The following CBL variants were observed in gnomAD, a reference collection of about 807,000 sequenced individuals.
The protein encoded by CBL is E3 ubiquitin-protein ligase CBL.
A neutral mutation model predicts 96.9 loss-of-function variants in CBL; 45 were observed. That is an observed-to-expected ratio of 0.46 (90% CI 0.37 to 0.60). The LOEUF (loss-of-function observed/expected upper bound fraction) is 0.60. Ranked by LOEUF, CBL falls within the 20% of genes least tolerant of loss-of-function variation. CBL has a pLI of 0.00. For missense variants in CBL, 1,024 were observed against 1,143.5 expected (o/e 0.90, Z 1.51); for synonymous variants, 420 against 426.8 (o/e 0.98, Z 0.20).
rs149998404 is a variant in CBL, at chr11:119,297,151, A to G, written c.2153+117A>G. 5.8e-4 allele frequency: 453 copies of G among 784,392 alleles called. 1 individual carries two copies. The highest frequency in any genetic ancestry group is 2.8e-3 in the African/African-American group (169 of 59,432). 48.6% of individuals were successfully genotyped at this position (784,392 alleles called of 1,614,324 possible). ...TATCCAGTCAGATTAAAGCAGAAAG[A>G]TAAAGATAAATCTAGCCCTTAATGG... On this transcript the variant is annotated intron_variant, in intron 13 of 15. Transcript: ENST00000264033.
Position 119,287,787 on chromosome 11 carries a change from C to T in CBL, c.1942-65C>T, listed in dbSNP as rs1272061651. 6.0e-6 allele frequency: 6 copies of T among 1,007,928 alleles called. No homozygotes were observed. In the African/African-American group the frequency reaches 7.9e-5, roughly 13 times the overall value. The allele number at this position is 1,007,928 out of a possible 1,614,324, so 62.4% of individuals were successfully genotyped here. Reference sequence around the variant, plus strand: ...CTGTTATTGTTATTTTGAAAAGGTTCAATAAGAGCAGAGGCTCAGCTGTGG... The same window carrying T: ...CTGTTATTGTTATTTTGAAAAGGTTTAATAAGAGCAGAGGCTCAGCTGTGG... On this transcript the variant is annotated intron_variant, in intron 11 of 15. Transcript: ENST00000264033.
At chr11:119,258,543 A>G (rs187367978) in intron 2 of CBL, among the ~76,000 whole-genome samples, 4 of 152,030 alleles carry the variant, frequency 2.6e-5, no homozygotes, top group South Asian at 2.1e-4. Context: ...TGATCCAGTC[A>G]CCTCCCACCA....
chr11:119,259,592 G>A (rs1368041932), intron 2 of CBL, among the ~76,000 whole-genome samples: 4 of 152,018 alleles, frequency 2.6e-5, no homozygotes, highest in Non-Finnish European at 5.9e-5. Flanking sequence ...AATATTTCTG[G>A]TGGGAGAATT....
In CBL at chr11:119,206,468, C is replaced by T. The variant is rs1483479103; in HGVS notation, c.51C>T (p.Ser17=). Residue 17 remains serine (S), a synonymous_variant, in exon 1 of 16, where the codon TCC becomes TCT. Transcript: ENST00000264033. ...KSSGAGGGSG[S]GGSGSGGLIG... is the part of the protein sequence containing the mutation. ...CTGGGGCCGGGGGCGGCAGCGGCTC[C>T]GGGGGCTCGGGTTCGGGTGGCCTGA... is the stretch of plus-strand genomic sequence containing the variant. 1 of 1,575,168 alleles carries T rather than the reference C, an allele frequency of 6.3e-7. No individual in the cohort carries two copies. The highest frequency in any genetic ancestry group is 1.4e-5 in the African/African-American group (1 of 73,946).
At chr11:119,230,278 G>A (rs1334431966) in intron 1 of CBL, among the ~76,000 whole-genome samples, 3 of 151,284 alleles carry the variant, frequency 2.0e-5, no homozygotes, top group African/African-American at 4.9e-5. Flanking sequence ...CAGCCTCTCC[G>A]AGTAGCTGGG....
In CBL at chr11:119,206,584, T is replaced by C; in HGVS notation, c.167T>C (p.Val56Ala). The C allele has an allele frequency of 5.2e-6, 8 of 1,547,560 alleles. No homozygotes were observed. Among genetic ancestry groups the C allele is most frequent in the Non-Finnish European group, 7.0e-6 (8 of 1,145,852 alleles). ...HPPGTVDKKM[V>A]EKCWKLMDKV... ...CCGGGGACGGTGGACAAGAAGATGG[T>C]GGAGAAGTGCTGGAAGCTCATGGAC... Residue 56 changes from valine (V) to alanine (A), a missense_variant, in exon 1 of 16, where the codon GTG becomes GCG. By Grantham distance (64) the Val-to-Ala change is moderately conservative. Coordinates refer to ENST00000264033, the MANE Select transcript of CBL (RefSeq NM_005188.4).
chr11:119,256,332 G>A (rs542464610), intron 2 of CBL, among the ~76,000 whole-genome samples: 1 of 151,598 alleles, frequency 6.6e-6, no homozygotes, highest in South Asian at 2.1e-4. Flanking sequence ...GGCATCCGCC[G>A]CTACGCCCAG....
intron 2 of CBL, among the ~76,000 whole-genome samples, chr11:119,260,223 C>T (rs1949743958): frequency 7.0e-6 from 1 of 143,498 alleles, no homozygotes. Context: ...GGCTTAGCTT[C>T]TTTTTTTTTT....
At chr11:119,209,072 C>T (rs1348506292) in intron 1 of CBL, among the ~76,000 whole-genome samples, 2 of 152,134 alleles carry the variant, frequency 1.3e-5, no homozygotes, top group Non-Finnish European at 2.9e-5. Context: ...GCTCTGAAAA[C>T]GTAGTACTTT....
intron 2 of CBL, among the ~76,000 whole-genome samples, chr11:119,256,624 A>G (rs1200947803): frequency 2.6e-5 from 4 of 151,194 alleles, no homozygotes; most frequent in African/African-American, 7.3e-5. Context: ...TTATATAGTG[A>G]AGTCTGAGAT....
chr11:119,235,407 G>C (rs964748738), intron 2 of CBL, among the ~76,000 whole-genome samples: 20 of 152,118 alleles, frequency 1.3e-4, no homozygotes, highest in African/African-American at 4.8e-4. Context: ...AAGTGTGCTA[G>C]AGAAAAGAAA....
intron 1 of CBL, among the ~76,000 whole-genome samples, chr11:119,215,072 G>A (rs1949348061): frequency 6.6e-6 from 1 of 152,064 alleles, no homozygotes; most frequent in Admixed American, 6.6e-5. Context: ...TAAAACATGA[G>A]CCGGTTGAGT....
At chr11:119,223,466 G>T (rs1949427792) in intron 1 of CBL, among the ~76,000 whole-genome samples, 1 of 151,048 alleles carries the variant, frequency 6.6e-6, no homozygotes, top group Non-Finnish European at 1.5e-5. Flanking sequence ...GTCTCGCTCT[G>T]TCACCCACAC....
chr11:119,211,332 A>G (rs561517604), intron 1 of CBL, among the ~76,000 whole-genome samples: 3 of 151,820 alleles, frequency 2.0e-5, no homozygotes, highest in Non-Finnish European at 2.9e-5. Flanking sequence ...AGACTGCTCC[A>G]TTGCACTCCA....
At chr11:119,299,461 G>A in intron 15 of CBL, 34 bp from the exon 16 acceptor site, 1 of 1,600,794 alleles carries the variant, frequency 6.2e-7, no homozygotes, top group East Asian at 2.2e-5. Context: ...GATTTCCCCA[G>A]ATTTGCAAAT....
chr11:119,249,324 G>A (rs902049529), intron 2 of CBL, among the ~76,000 whole-genome samples: 2 of 152,168 alleles, frequency 1.3e-5, no homozygotes, highest in Admixed American at 6.6e-5. Flanking sequence ...GGGAGGCCAA[G>A]CAGGGCAGAA....
intron 2 of CBL, among the ~76,000 whole-genome samples, chr11:119,236,555 C>G (rs886988154): frequency 6.1e-5 from 9 of 147,504 alleles, no homozygotes; most frequent in Middle Eastern, 3.6e-3. Context: ...TGGCTATAGC[C>G]ATATAAACAT....
At chr11:119,286,130 C>T (rs1408871100) in intron 11 of CBL, among the ~76,000 whole-genome samples, 1 of 151,976 alleles carries the variant, frequency 6.6e-6, no homozygotes, top group African/African-American at 2.4e-5. Flanking sequence ...GAAACCCCGT[C>T]TCTACTAAAA....
At chr11:119,231,387 A>C (rs569721627) in intron 1 of CBL, among the ~76,000 whole-genome samples, 2 of 151,890 alleles carry the variant, frequency 1.3e-5, no homozygotes, top group Admixed American at 1.3e-4. Context: ...AGCCTGGGCA[A>C]AAAGAGCAAA....
Sources: gnomAD v4.1 joint callset for allele counts (sites outside exome capture counted in the v4.1 genomes callset) on GRCh38, gnomAD v4.1.1 for gene constraint, MANE v1.5 for transcripts, NCBI Gene and HGNC (gene_info 2026-07-23, HGNC 2026-07-21) for gene names.